MAN2A1: variants seen among roughly 807,000 people sequenced by gnomAD.
MAN2A1 encodes mannosidase alpha class 2A member 1.
Under a neutral mutation model 142.6 loss-of-function variants are expected in MAN2A1, and 76 were observed. The ratio of observed to expected loss-of-function variants is 0.53; its 90% CI spans 0.44 to 0.65. MAN2A1 has a LOEUF of 0.65. MAN2A1 is among the 30% of genes least tolerant of loss of function. The pLI, the probability that MAN2A1 is intolerant of heterozygous loss-of-function variation, is 0.00. For missense variants in MAN2A1, 1,311 were observed against 1,365.1 expected, an observed-to-expected ratio of 0.96 and a Z score of 0.62; for synonymous variants, 559 against 473.2, an observed-to-expected ratio of 1.18 and a Z score of -2.35.
intron 20 of MAN2A1, among the ~76,000 whole-genome samples, chr5:109,857,786 A>G (rs1276996095): frequency 1.3e-5 from 2 of 152,184 alleles, no homozygotes; most frequent in Non-Finnish European, 2.9e-5. Flanking sequence ...CTGAGCATTC[A>G]GGTCCTCTGC....
intron 18 of MAN2A1, among the ~76,000 whole-genome samples, chr5:109,847,024 G>T (rs961353241): frequency 6.6e-6 from 1 of 152,048 alleles, no homozygotes; most frequent in Admixed American, 6.5e-5. Flanking sequence ...TTGAAGAAGA[G>T]TCCAGAAGTC....
chr5:109,846,130 C>A, intron 18 of MAN2A1, 124 bp downstream of exon 18: 1 of 804,850 alleles, frequency 1.2e-6, no homozygotes, highest in South Asian at 3.1e-5. Flanking sequence ...CAGCTTTTTT[C>A]TTTCAACAAC....
At chr5:109,807,121 C>T (rs1426442271) in intron 12 of MAN2A1, among the ~76,000 whole-genome samples, 3 of 152,018 alleles carry the variant, frequency 2.0e-5, no homozygotes, top group Admixed American at 1.3e-4. Context: ...TAAAATTTTT[C>T]CCTTGTGAAT....
chr5:109,690,779 T>A (rs1414213909), intron 1 of MAN2A1, among the ~76,000 whole-genome samples: 1 of 152,156 alleles, frequency 6.6e-6, no homozygotes, highest in East Asian at 1.9e-4. Flanking sequence ...GGCGGCGGCA[T>A]CATCCCGCTC....
At chr5:109,790,445 C>T (rs1418623097) in intron 12 of MAN2A1, among the ~76,000 whole-genome samples, 1 of 151,822 alleles carries the variant, frequency 6.6e-6, no homozygotes, top group Non-Finnish European at 1.5e-5. Flanking sequence ...AAGGTGTATA[C>T]AGCTTATTCC....
At chr5:109,826,687 A>G (rs1291263673) in intron 16 of MAN2A1, among the ~76,000 whole-genome samples, 2 of 152,224 alleles carry the variant, frequency 1.3e-5, no homozygotes, top group African/African-American at 2.4e-5. Flanking sequence ...GGTTTTAATG[A>G]AATCACTAAT....
chr5:109,848,026 C>T (rs1338303672), intron 19 of MAN2A1, among the ~76,000 whole-genome samples: 1 of 151,860 alleles, frequency 6.6e-6, no homozygotes, highest in Non-Finnish European at 1.5e-5. Context: ...AAAATAATGA[C>T]AGGAAATCAC....
chr5:109,820,153 G>A, intron 14 of MAN2A1, 67 bp from the exon 15 acceptor site: 2 of 1,361,870 alleles, frequency 1.5e-6, no homozygotes, highest in Non-Finnish European at 2.0e-6. Flanking sequence ...CATATACATA[G>A]AACCAGATGC....
chr5:109,817,826 A>T (rs1286617243), intron 13 of MAN2A1, among the ~76,000 whole-genome samples: 2 of 152,180 alleles, frequency 1.3e-5, no homozygotes, highest in Non-Finnish European at 2.9e-5. Flanking sequence ...TACCACCCTT[A>T]GTAACTTTGG....
At chr5:109,690,595 C>T (rs186139401) in intron 1 of MAN2A1, 43 bp downstream of exon 1, 1 of 1,547,866 alleles carries the variant, frequency 6.5e-7, no homozygotes, top group Admixed American at 1.9e-5. Flanking sequence ...AGGGGCCAGG[C>T]GTGCGGGCCC....
At chr5:109,751,067 C>G (rs1752533497) in intron 4 of MAN2A1, among the ~76,000 whole-genome samples, 1 of 152,002 alleles carries the variant, frequency 6.6e-6, no homozygotes, top group South Asian at 2.1e-4. Flanking sequence ...AACATTAGAA[C>G]TTACTCCTTT....
chr5:109,861,334 T>C (rs1296237050), intron 20 of MAN2A1, among the ~76,000 whole-genome samples: 2 of 152,110 alleles, frequency 1.3e-5, no homozygotes, highest in African/African-American at 2.4e-5. Flanking sequence ...CAGTTGTCAC[T>C]AATAATGAGG....
chr5:109,738,172 C>G (rs1396570888), intron 4 of MAN2A1, among the ~76,000 whole-genome samples: 2 of 151,232 alleles, frequency 1.3e-5, no homozygotes, highest in Admixed American at 1.3e-4. Flanking sequence ...TATGGCAGAA[C>G]TGACTGTACT....
chr5:109,809,993 T>C (rs1754274505), intron 12 of MAN2A1, among the ~76,000 whole-genome samples: 1 of 152,124 alleles, frequency 6.6e-6, no homozygotes, highest in South Asian at 2.1e-4. Context: ...TATTCTGCTA[T>C]TGTTAAAGAT....
chr5:109,821,009 C>T (rs1404386168), intron 15 of MAN2A1, among the ~76,000 whole-genome samples: 1 of 152,118 alleles, frequency 6.6e-6, no homozygotes, highest in East Asian at 1.9e-4. Flanking sequence ...ACTTTCAGCC[C>T]TTTAAAAAAC....
At chr5:109,775,381 A>G in intron 8 of MAN2A1, among the ~76,000 whole-genome samples, 1 of 152,148 alleles carries the variant, frequency 6.6e-6, no homozygotes, top group East Asian at 1.9e-4. Context: ...ACATGTCATG[A>G]ATTTTGCAAA....
intron 12 of MAN2A1, among the ~76,000 whole-genome samples, chr5:109,810,325 T>C (rs1310542273): frequency 6.6e-6 from 1 of 152,188 alleles, no homozygotes; most frequent in Non-Finnish European, 1.5e-5. Context: ...TTCTTCTAGA[T>C]AGATGTTCCA....
intron 1 of MAN2A1, among the ~76,000 whole-genome samples, chr5:109,711,917 T>G (rs1751312715): frequency 6.6e-6 from 1 of 151,604 alleles, no homozygotes; most frequent in East Asian, 1.9e-4. Context: ...GTAGAGGGGC[T>G]CTTTCTGTTA....
intron 4 of MAN2A1, among the ~76,000 whole-genome samples, chr5:109,730,368 T>A (rs1244540376): frequency 6.6e-6 from 1 of 152,162 alleles, no homozygotes; most frequent in African/African-American, 2.4e-5. Context: ...CTCAGATTTT[T>A]ATTTTCATCT....
Sources: allele counts gnomAD v4.1 joint callset (sites outside exome capture counted in the v4.1 genomes callset), GRCh38; gene constraint gnomAD v4.1.1; transcripts MANE v1.5; gene names NCBI Gene and HGNC (gene_info 2026-07-23, HGNC 2026-07-21).